The following UTRN variants were observed in gnomAD, a reference collection of about 807,000 sequenced individuals.
The protein encoded by UTRN is utrophin, also known as dystrophin-related protein 1.
In UTRN, 283 loss-of-function variants were observed where a neutral mutation model predicts 463.9. The ratio of observed to expected loss-of-function variants is 0.61; its 90% CI spans 0.55 to 0.67. The LOEUF (loss-of-function observed/expected upper bound fraction) is 0.67. Ranked by LOEUF, UTRN falls within the 30% of genes least tolerant of loss-of-function variation. UTRN has a pLI of 0.00. For missense variants in UTRN, 3,922 were observed against 4,084.3 expected (o/e 0.96, Z 1.08); for synonymous variants, 1,442 against 1,431.5 (o/e 1.01, Z -0.17).
intron 58 of UTRN, among the ~76,000 whole-genome samples, chr6:144,762,805 G>A (rs753953235): frequency 6.6e-6 from 1 of 152,098 alleles, no homozygotes; most frequent in African/African-American, 2.4e-5. Flanking sequence ...AAGTCCTAAG[G>A]GACTTGAAAC....
intron 53 of UTRN, among the ~76,000 whole-genome samples, chr6:144,719,842 T>G (rs895447084): frequency 1.3e-5 from 2 of 152,256 alleles, no homozygotes; most frequent in Non-Finnish European, 2.9e-5. Flanking sequence ...ATTTTAATTT[T>G]GTAATTTAGA....
chr6:144,671,059 C>T (rs1046966128), intron 51 of UTRN, among the ~76,000 whole-genome samples: 1 of 152,034 alleles, frequency 6.6e-6, no homozygotes, highest in African/African-American at 2.4e-5. Context: ...AGTTTGAAGT[C>T]AGCTAATGGG....
At chr6:144,473,423 T>A (rs189248031) in intron 23 of UTRN, among the ~76,000 whole-genome samples, 1 of 152,250 alleles carries the variant, frequency 6.6e-6, no homozygotes, top group Admixed American at 6.5e-5. Flanking sequence ...TAGAAATGCA[T>A]TTTTTCCCTG....
intron 52 of UTRN, among the ~76,000 whole-genome samples, chr6:144,697,818 AAAG>A (rs1784178116): frequency 6.6e-6 from 1 of 152,184 alleles, no homozygotes; most frequent in Non-Finnish European, 1.5e-5. Context: ...CTGTGCAGTC[AAAG>A]AAGACTGCAT....
chr6:144,763,330 A>G (rs1445606681), intron 58 of UTRN, among the ~76,000 whole-genome samples: 1 of 152,082 alleles, frequency 6.6e-6, no homozygotes, highest in East Asian at 1.9e-4. Flanking sequence ...ATCTCTCTTT[A>G]TACTTTTATT....
intron 2 of UTRN, among the ~76,000 whole-genome samples, chr6:144,345,817 T>C (rs1160595249): frequency 6.6e-6 from 1 of 152,162 alleles, no homozygotes; most frequent in African/African-American, 2.4e-5. Flanking sequence ...ACAAAGGGTC[T>C]AGGGTAACCT....
intron 7 of UTRN, among the ~76,000 whole-genome samples, chr6:144,427,491 T>G (rs1785398830): frequency 6.6e-6 from 1 of 152,198 alleles, no homozygotes; most frequent in Non-Finnish European, 1.5e-5. Context: ...TGTCCTAGAA[T>G]TATGATCCTT....
chr6:144,811,692 T>C (rs1400662348), intron 65 of UTRN, among the ~76,000 whole-genome samples: 1 of 152,006 alleles, frequency 6.6e-6, no homozygotes, highest in Non-Finnish European at 1.5e-5. Flanking sequence ...TTTCAACTTG[T>C]TGAAATCATT....
At chr6:144,622,729 T>C (rs1775558237) in intron 51 of UTRN, among the ~76,000 whole-genome samples, 1 of 152,208 alleles carries the variant, frequency 6.6e-6, no homozygotes, top group South Asian at 2.1e-4. Context: ...AGGCTTTTAT[T>C]TATAAATGGA....
chr6:144,409,525 C>A (rs1410977294), intron 3 of UTRN, among the ~76,000 whole-genome samples: 1 of 152,152 alleles, frequency 6.6e-6, no homozygotes, highest in Non-Finnish European at 1.5e-5. Context: ...GCCCCACCAT[C>A]TCTAGCTTCA....
At chr6:144,524,052 C>T (rs1294454546) in intron 41 of UTRN, among the ~76,000 whole-genome samples, 1 of 152,162 alleles carries the variant, frequency 6.6e-6, no homozygotes, top group African/African-American at 2.4e-5. Flanking sequence ...GGAAAGGGAG[C>T]ACAGAATAAT....
At chr6:144,380,434 A>C (rs1780807696) in intron 2 of UTRN, among the ~76,000 whole-genome samples, 1 of 152,176 alleles carries the variant, frequency 6.6e-6, no homozygotes, top group Admixed American at 6.5e-5. Context: ...TTCCTTAATA[A>C]ATGGAAATTG....
intron 54 of UTRN, among the ~76,000 whole-genome samples, chr6:144,741,259 T>C (rs1278868047): frequency 6.6e-6 from 1 of 152,194 alleles, no homozygotes; most frequent in Non-Finnish European, 1.5e-5. Context: ...CAGACTTCTC[T>C]GTAGCTCGAT....
At chr6:144,577,593 A>G (rs575713155) in intron 51 of UTRN, among the ~76,000 whole-genome samples, 4 of 152,180 alleles carry the variant, frequency 2.6e-5, no homozygotes, top group African/African-American at 9.6e-5. Context: ...TTGAATCCTA[A>G]ATTATAAGGG....
intron 46 of UTRN, among the ~76,000 whole-genome samples, chr6:144,544,033 C>A (rs1585200050): frequency 6.6e-6 from 1 of 152,276 alleles, no homozygotes; most frequent in East Asian, 1.9e-4. Flanking sequence ...ATAAAATCGT[C>A]ATGGGTTATC....
intron 73 of UTRN, among the ~76,000 whole-genome samples, chr6:144,843,396 T>G (rs930558218): frequency 6.6e-6 from 1 of 152,170 alleles, no homozygotes; most frequent in African/African-American, 2.4e-5. Flanking sequence ...CAAAGTATAC[T>G]CTGACATCCA....
intron 58 of UTRN, among the ~76,000 whole-genome samples, chr6:144,765,641 C>T (rs906747041): frequency 2.0e-5 from 3 of 152,180 alleles, no homozygotes; most frequent in African/African-American, 7.2e-5. Flanking sequence ...AAACTCCTGA[C>T]CTGAAGCAGT....
chr6:144,507,641 G>A (rs918743214), intron 34 of UTRN, among the ~76,000 whole-genome samples: 11 of 152,086 alleles, frequency 7.2e-5, no homozygotes, highest in African/African-American at 1.9e-4. Context: ...TGGAAGCTTC[G>A]TTTCAGAGGG....
At chr6:144,555,308 T>C (rs1799278853) in intron 49 of UTRN, among the ~76,000 whole-genome samples, 1 of 152,216 alleles carries the variant, frequency 6.6e-6, no homozygotes, top group African/African-American at 2.4e-5. Context: ...ATTTGAGGGC[T>C]ACTGTAGTGA....
Sources: allele counts gnomAD v4.1 joint callset (sites outside exome capture counted in the v4.1 genomes callset), GRCh38; gene constraint gnomAD v4.1.1; transcripts MANE v1.5; gene names NCBI Gene and HGNC (gene_info 2026-07-23, HGNC 2026-07-21).